PDCD10: variants seen among roughly 807,000 people sequenced by gnomAD.
PDCD10 encodes programmed cell death protein 10.
PDCD10 carries 4 observed loss-of-function variants against 29.2 expected under a neutral mutation model. The observed-to-expected ratio is 0.14, with a 90% CI of 0.07 to 0.31. The LOEUF is 0.31. Ranked by LOEUF, PDCD10 falls within the 10% of genes least tolerant of loss-of-function variation. The pLI is 1.00. For missense variants in PDCD10, 183 were observed against 257.9 expected (o/e 0.71, Z 1.99); for synonymous variants, 70 against 82.2 (o/e 0.85, Z 0.80).
In PDCD10 at chr3:167,683,759, GCTTT is replaced by G. The variant is rs1293974922; in HGVS notation, c.*545_*548del. On this transcript the variant is annotated 3_prime_UTR_variant, in exon 9 of 9. Coordinates refer to ENST00000392750, the MANE Select transcript of PDCD10 (RefSeq NM_007217.4). ...ATTAAGGACAAAAATAGAAATTCTT[GCTTT>G]ATTATTTGATAAACTGCTGATAAGC... 1 of 150,158 alleles carries G rather than the reference GCTTT, an allele frequency of 6.7e-6. No homozygotes were observed. Among genetic ancestry groups the G allele is most frequent in the Non-Finnish European group, 1.5e-5 (1 of 67,500 alleles). 9.3% of individuals were successfully genotyped at this position (150,158 alleles called of 1,614,324 possible). A position where few individuals can be genotyped will look rare whatever the true frequency, so the allele number is the denominator to read the frequency against.
Position 167,720,076 on chromosome 3 carries a change from G to A in PDCD10, c.82C>T (p.Pro28Ser). The A allele has an allele frequency of 6.2e-7, 1 of 1,602,518 alleles. No homozygotes were observed. The highest frequency in any genetic ancestry group is 8.5e-7 in the Non-Finnish European group (1 of 1,169,652). ...VSMPLYAVMY[P>S]VFNELERVNL... is the part of the protein sequence containing the mutation. ...ACCCAACTCACCTCATTAAACACAG[G>A]ATACATGACTGCATAGAGGGGCATA... Residue 28 changes from proline to serine, a missense_variant, in exon 3 of 9, where the codon CCT (proline) becomes TCT (serine). Transcript: ENST00000392750.
chr3:167,719,807 A>G (rs1319429891), intron 3 of PDCD10, among the ~76,000 whole-genome samples: 1 of 151,886 alleles, frequency 6.6e-6, no homozygotes, highest in African/African-American at 2.4e-5. Context: ...GTACTTCATC[A>G]CCATTGTTCA....
chr3:167,732,907 C>A (rs1559984917), intron 2 of PDCD10, among the ~76,000 whole-genome samples: 1 of 152,218 alleles, frequency 6.6e-6, no homozygotes, highest in Non-Finnish European at 1.5e-5. Context: ...AGTCAGTTAT[C>A]ACCACATAAT....
intron 6 of PDCD10, among the ~76,000 whole-genome samples, chr3:167,688,330 C>T (rs2108377823): frequency 6.6e-6 from 1 of 152,276 alleles, no homozygotes; most frequent in South Asian, 2.1e-4. Flanking sequence ...CACTTACTAT[C>T]AGTCACTATT....
At chr3:167,733,540 T>A (rs758623021) in intron 2 of PDCD10, among the ~76,000 whole-genome samples, 10 of 152,008 alleles carry the variant, frequency 6.6e-5, no homozygotes, top group Admixed American at 3.3e-4. Flanking sequence ...CACACACAAA[T>A]ACAGCCCAGA....
chr3:167,689,723 A>C (rs1720011221), intron 6 of PDCD10, among the ~76,000 whole-genome samples: 1 of 152,114 alleles, frequency 6.6e-6, no homozygotes, highest in Non-Finnish European at 1.5e-5. Flanking sequence ...CAGGTTTGAA[A>C]ACTTGGAGCT....
intron 2 of PDCD10, among the ~76,000 whole-genome samples, chr3:167,731,533 C>T (rs893140882): frequency 1.3e-5 from 2 of 152,142 alleles, no homozygotes; most frequent in South Asian, 2.1e-4. Flanking sequence ...AAAGCATATC[C>T]GCTTTATTCA....
In PDCD10 at chr3:167,683,840, C is replaced by CATATATATAT. The variant is rs5854245; in HGVS notation, c.*458_*467dup. 7.4e-6 allele frequency: 1 copy of CATATATATAT among 135,666 alleles called. No homozygotes were observed. Among genetic ancestry groups the CATATATATAT allele is most frequent in the Non-Finnish European group, 1.6e-5 (1 of 62,504 alleles). 8.4% of individuals were successfully genotyped at this position (135,666 alleles called of 1,614,324 possible). A position where few individuals can be genotyped will look rare whatever the true frequency, so the allele number is the denominator to read the frequency against. ...CACCAAGTTGTCTTGGTCTTCTGTT[C>CATATATATAT]ATATATATATATATATATATATATA... On this transcript the variant is annotated 3_prime_UTR_variant, in exon 9 of 9. Transcript: ENST00000392750.
At chr3:167,725,766 TATA>T (rs1724073342) in intron 2 of PDCD10, among the ~76,000 whole-genome samples, 75 of 6,436 alleles carry the variant, frequency 0.012, 4 homozygotes, top group African/African-American at 0.063. Context: ...GTATCGTTTA[TATA>T]TATATATATA....
chr3:167,734,231 AG>A lies in PDCD10; in HGVS notation c.-135del. 6.6e-6 allele frequency: 1 copy of A among 152,332 alleles called. No homozygotes were observed. The highest frequency in any genetic ancestry group is 2.1e-4 in the South Asian group (1 of 4,832). The allele number at this position is 152,332 out of a possible 1,614,324, so 9.4% of individuals were successfully genotyped here. A position where few individuals can be genotyped will look rare whatever the true frequency, so the allele number is the denominator to read the frequency against. On this transcript the variant is annotated 5_prime_UTR_variant, in exon 2 of 9. Coordinates refer to ENST00000392750, the MANE Select transcript of PDCD10 (RefSeq NM_007217.4). ...AAACATACCTTAGGTATGACACCTA[AG>A]AGGGTCAAGTCTTTCTGTTTAAGGC...
intron 3 of PDCD10, among the ~76,000 whole-genome samples, chr3:167,715,060 CA>C (rs779831447): frequency 4.9e-5 from 7 of 143,308 alleles, no homozygotes; most frequent in African/African-American, 5.1e-5. Context: ...CATCTACTGG[CA>C]AAAAAAAAAC....
chr3:167,707,797 T>C (rs1169571867), intron 3 of PDCD10, among the ~76,000 whole-genome samples: 1 of 152,248 alleles, frequency 6.6e-6, no homozygotes, highest in Non-Finnish European at 1.5e-5. Flanking sequence ...AAATTGTGAC[T>C]GCACCTTGCA....
rs541360962 is a variant in PDCD10, at chr3:167,732,521, C to A, written c.-117+1693G>T. On this transcript the variant is annotated intron_variant, in intron 2 of 8. Coordinates refer to ENST00000392750, the MANE Select transcript of PDCD10 (RefSeq NM_007217.4). ...GCAGAGATCTAAAGTGACAACAGTA[C>A]CGCAGCATGTGACTGAAAGATGATA... Among the ~76,000 whole-genome samples, 9 of 152,182 alleles carry A rather than the reference C, an allele frequency of 5.9e-5. No homozygotes were observed. The South Asian group carries it at 1.9e-3, about 32-fold the overall frequency.
chr3:167,726,600 G>T (rs536574261), intron 2 of PDCD10, among the ~76,000 whole-genome samples: 2 of 152,242 alleles, frequency 1.3e-5, no homozygotes, highest in East Asian at 1.9e-4. Flanking sequence ...AAATACTGAA[G>T]TACTCACTTC....
intron 6 of PDCD10, among the ~76,000 whole-genome samples, chr3:167,692,265 T>A (rs1476799199): frequency 2.0e-5 from 3 of 152,212 alleles, no homozygotes; most frequent in African/African-American, 7.2e-5. Flanking sequence ...ACAAAATGCT[T>A]GAGACCAGAA....
intron 4 of PDCD10, chr3:167,698,097 C>T: frequency 2.5e-6 from 1 of 404,030 alleles, no homozygotes. Context: ...TTGATTATCA[C>T]TGCAGATACA....
At position 167,684,280 on chromosome 3, in the gene PDCD10, G is replaced by A. The variant is rs781239146; in HGVS notation, c.*28C>T. ...AAAGGCAGTTCAATACTGCCACTGA[G>A]AAGTACATCTCTTAACATATACAAC... On this transcript the variant is annotated 3_prime_UTR_variant, in exon 9 of 9. Transcript: ENST00000392750. The A allele has an allele frequency of 4.7e-6, 6 of 1,270,886 alleles. No individual in the cohort carries two copies. Among genetic ancestry groups the A allele is most frequent in the Non-Finnish European group, 6.9e-6 (6 of 867,260 alleles). 78.7% of individuals were successfully genotyped at this position (1,270,886 alleles called of 1,614,324 possible).
intron 2 of PDCD10, among the ~76,000 whole-genome samples, chr3:167,729,658 CTTAG>C (rs1326654382): frequency 1.3e-5 from 2 of 152,128 alleles, no homozygotes; most frequent in East Asian, 3.9e-4. Flanking sequence ...AGACTTGGCA[CTTAG>C]TTACTTAATA....
chr3:167,687,106 G>A (rs920611356), intron 8 of PDCD10, 128 bp downstream of exon 8: 2 of 592,012 alleles, frequency 3.4e-6, no homozygotes, highest in East Asian at 2.8e-5. Context: ...TTAATGGTCT[G>A]CCTTCATTAT....
Sources: gnomAD v4.1 joint callset for allele counts (sites outside exome capture counted in the v4.1 genomes callset) on GRCh38, gnomAD v4.1.1 for gene constraint, MANE v1.5 for transcripts, NCBI Gene and HGNC (gene_info 2026-07-23, HGNC 2026-07-21) for gene names.